INPP5A: variants seen among roughly 807,000 people sequenced by gnomAD.
INPP5A encodes inositol polyphosphate-5-phosphatase A, also known as 43 kDa inositol polyphosphate 5-phophatase.
INPP5A carries 14 observed loss-of-function variants against 65.2 expected under a neutral mutation model. The observed-to-expected ratio is 0.21, with a 90% CI of 0.14 to 0.34. INPP5A has a LOEUF of 0.34. Ranked by LOEUF, INPP5A falls within the 10% of genes least tolerant of loss-of-function variation. INPP5A has a pLI of 1.00. For missense variants in INPP5A, 431 were observed against 545.6 expected (o/e 0.79, Z 2.09); for synonymous variants, 207 against 208.3 (o/e 0.99, Z 0.05).
intron 9 of INPP5A, among the ~76,000 whole-genome samples, chr10:132,739,325 C>T (rs566963844): frequency 1.4e-3 from 207 of 152,364 alleles, no homozygotes; most frequent in African/African-American, 4.7e-3. Context: ...CCACACATTT[C>T]CCACGCCAAG....
In INPP5A at chr10:132,678,196, C is replaced by T. The variant is rs550199205; in HGVS notation, c.307-12196C>T. Among the ~76,000 whole-genome samples, 120 of 152,286 alleles carry T rather than the reference C, an allele frequency of 7.9e-4. No individual in the cohort carries two copies. In the Middle Eastern group the frequency reaches 0.027, roughly 35 times the overall value. The stretch of plus-strand genomic sequence containing the variant: ...TCTGAGAGCGGACGGTCACAGCCCC[C>T]CGTATGCTGCCTGGGGGTGGCACTG... On this transcript the variant is annotated intron_variant, in intron 4 of 15. Coordinates refer to ENST00000368594, the MANE Select transcript of INPP5A (RefSeq NM_005539.5). This position sits in a 1 kb window ranked among gnomAD's most constrained non-coding sequence, Gnocchi z 4.1.
chr10:132,540,363 A>G (rs1426252768), intron 1 of INPP5A, among the ~76,000 whole-genome samples: 1 of 152,230 alleles, frequency 6.6e-6, no homozygotes, highest in South Asian at 2.1e-4. Flanking sequence ...CTTAAAGGCT[A>G]TGTGGAATTT....
At chr10:132,608,651 G>A (rs1010914096) in intron 2 of INPP5A, among the ~76,000 whole-genome samples, 3 of 152,208 alleles carry the variant, frequency 2.0e-5, no homozygotes, top group Admixed American at 6.5e-5. Flanking sequence ...GGAGGGCAAC[G>A]TGGCCATGGG....
At chr10:132,657,024 G>A (rs941658563) in intron 4 of INPP5A, among the ~76,000 whole-genome samples, 3 of 152,232 alleles carry the variant, frequency 2.0e-5, no homozygotes, top group Admixed American at 6.5e-5. Context: ...GAGGCGTTGA[G>A]GAAGAGAGAG....
chr10:132,699,261 G>T (rs1362449902), intron 6 of INPP5A, among the ~76,000 whole-genome samples: 1 of 151,898 alleles, frequency 6.6e-6, no homozygotes, highest in Non-Finnish European at 1.5e-5. Flanking sequence ...TGGAGAGCCT[G>T]CGAGCTGAAC....
rs2071027288 is a variant in INPP5A, at chr10:132,549,790, G to A, written c.75+11619G>A. Among the ~76,000 whole-genome samples, 1 of 152,274 alleles carries A rather than the reference G, an allele frequency of 6.6e-6. No individual in the cohort carries two copies. The highest frequency in any genetic ancestry group is 1.5e-5 in the Non-Finnish European group (1 of 68,054). The stretch of plus-strand genomic sequence containing the variant: ...CCACTCTCTGCCCCTGGTCTGAATG[G>A]TGGGGTTGGTGTGTCTCTGTTACAG... On this transcript the variant is annotated intron_variant, in intron 1 of 15. Coordinates refer to ENST00000368594, the MANE Select transcript of INPP5A (RefSeq NM_005539.5). This position sits in a 1 kb window ranked among gnomAD's most constrained non-coding sequence, Gnocchi z 4.9.
chr10:132,666,644 G>C (rs1237640060), intron 4 of INPP5A, among the ~76,000 whole-genome samples: 1 of 152,180 alleles, frequency 6.6e-6, no homozygotes, highest in African/African-American at 2.4e-5. Context: ...CTGAAGGATG[G>C]CCCACACCGA....
At chr10:132,610,549 C>T (rs530961855) in intron 2 of INPP5A, among the ~76,000 whole-genome samples, 75 of 152,358 alleles carry the variant, frequency 4.9e-4, no homozygotes, top group Admixed American at 2.3e-3. Context: ...TGCCAGTGGA[C>T]GTTGGCGTGT....
rs749157347 is a variant in INPP5A at position 132,587,193 on chromosome 10, A to C, written c.76-20722A>C. The stretch of plus-strand genomic sequence containing the variant: ...AGTGTGAAAACAGTAGGCAATGAAC[A>C]GTGTCCACAGAACTCAGAGGGCGGA... On this transcript the variant is annotated intron_variant, in intron 1 of 15. Coordinates refer to ENST00000368594, the MANE Select transcript of INPP5A (RefSeq NM_005539.5). The surrounding 1 kb of genome is among the most constrained non-coding windows in gnomAD (Gnocchi z 4.3). 6.6e-6 allele frequency among the ~76,000 whole-genome samples: 1 copy of C among 152,236 alleles called. No homozygotes were observed. Among genetic ancestry groups the C allele is most frequent in the Non-Finnish European group, 1.5e-5 (1 of 68,034 alleles).
At chr10:132,589,089 T>C (rs1327372628) in intron 1 of INPP5A, among the ~76,000 whole-genome samples, 1 of 152,190 alleles carries the variant, frequency 6.6e-6, no homozygotes, top group Non-Finnish European at 1.5e-5. Flanking sequence ...GAGTGTGGGG[T>C]GTGGTCCAGG....
intron 9 of INPP5A, among the ~76,000 whole-genome samples, chr10:132,739,913 G>T (rs570386511): frequency 1.3e-5 from 2 of 152,206 alleles, no homozygotes; most frequent in Non-Finnish European, 1.5e-5. Context: ...TGACGTTCGG[G>T]GGTGCCGCCT....
In INPP5A at chr10:132,698,594, T is replaced by C. The variant is rs1024721567; in HGVS notation, c.474+675T>C. Among the ~76,000 whole-genome samples, 2 of 152,234 alleles carry C rather than the reference T, an allele frequency of 1.3e-5. No homozygotes were observed. The highest frequency in any genetic ancestry group is 2.4e-5 in the African/African-American group (1 of 41,456). ...GCGGCATTGTCGGCGTCTCCCTGGCTGTGTAGTTAACCTGTCGAGGCAGCG... is the reference window on the plus strand; with the variant it reads ...GCGGCATTGTCGGCGTCTCCCTGGCCGTGTAGTTAACCTGTCGAGGCAGCG... On this transcript the variant is annotated intron_variant, in intron 6 of 15. Transcript: ENST00000368594. This position sits in a 1 kb window ranked among gnomAD's most constrained non-coding sequence, Gnocchi z 5.5.
rs1010113881 is a variant in INPP5A, at chr10:132,603,844, G to C, written c.76-4071G>C. ...TCTGTACTGTGTGGACATGGTGTGG[G>C]TCACTGTGGTCTTTCCTTTCTGACT... is the stretch of plus-strand genomic sequence containing the variant. On this transcript the variant is annotated intron_variant, in intron 1 of 15. Transcript: ENST00000368594. The surrounding 1 kb of genome is among the most constrained non-coding windows in gnomAD (Gnocchi z 4.2). Among the ~76,000 whole-genome samples, 1 of 151,956 alleles carries C rather than the reference G, an allele frequency of 6.6e-6. No homozygotes were observed. The highest frequency in any genetic ancestry group is 1.5e-5 in the Non-Finnish European group (1 of 67,984).
chr10:132,570,730 T>C (rs1051287170), intron 1 of INPP5A, among the ~76,000 whole-genome samples: 5 of 152,166 alleles, frequency 3.3e-5, no homozygotes, highest in Admixed American at 1.3e-4. Flanking sequence ...ACTGAGCCAT[T>C]TGGAAGTGGT....
intron 7 of INPP5A, among the ~76,000 whole-genome samples, chr10:132,709,583 G>A (rs749371439): frequency 3.9e-5 from 6 of 152,140 alleles, no homozygotes; most frequent in East Asian, 1.9e-4. Context: ...CAGCGTCATC[G>A]GGGTCATTGT....
At chr10:132,682,063 G>T (rs2073054578) in intron 4 of INPP5A, among the ~76,000 whole-genome samples, 1 of 152,306 alleles carries the variant, frequency 6.6e-6, no homozygotes, top group Middle Eastern at 3.4e-3. Flanking sequence ...GCGGGAAGGG[G>T]AGAGCGGGAA....
At chr10:132,728,919 G>A (rs920366630) in intron 9 of INPP5A, among the ~76,000 whole-genome samples, 10 of 152,240 alleles carry the variant, frequency 6.6e-5, no homozygotes, top group Non-Finnish European at 1.0e-4. Flanking sequence ...CCTGGGCTCC[G>A]GTGCCTGTGG....
rs1335990204 is a variant in INPP5A at position 132,704,046 on chromosome 10, C to T, written c.475-4267C>T. Among the ~76,000 whole-genome samples, 2 of 151,048 alleles carry T rather than the reference C, an allele frequency of 1.3e-5. No homozygotes were observed. Among genetic ancestry groups the T allele is most frequent in the South Asian group, 2.1e-4 (1 of 4,738 alleles). On this transcript the variant is annotated intron_variant, in intron 6 of 15. Transcript: ENST00000368594. This position sits in a 1 kb window ranked among gnomAD's most constrained non-coding sequence, Gnocchi z 4.5. ...ACGCGTGGCTTCACCCCCACACACACGCAGCTTCACCCGCATGGGTTCTGA... is the reference window on the plus strand; with the variant it reads ...ACGCGTGGCTTCACCCCCACACACATGCAGCTTCACCCGCATGGGTTCTGA...
At chr10:132,628,988 G>A (rs1354003804) in intron 2 of INPP5A, among the ~76,000 whole-genome samples, 6 of 152,178 alleles carry the variant, frequency 3.9e-5, no homozygotes, top group African/African-American at 1.4e-4. Flanking sequence ...GTTTTTGTGT[G>A]GCCTTCAGAA....
Sources: allele counts gnomAD v4.1 joint callset (sites outside exome capture counted in the v4.1 genomes callset), GRCh38; gene constraint gnomAD v4.1.1; non-coding constraint Gnocchi (gnomAD v3.1); transcripts MANE v1.5; gene names NCBI Gene and HGNC (gene_info 2026-07-23, HGNC 2026-07-21).